ZNF516: variants seen among roughly 807,000 people sequenced by gnomAD.
ZNF516 encodes zinc finger protein 516.
In ZNF516, 19 loss-of-function variants were observed where a neutral mutation model predicts 79.7. The observed-to-expected ratio is 0.24, with a 90% CI of 0.17 to 0.35. The LOEUF is 0.35. Among genes scored for constraint, ZNF516 ranks in the 10% least tolerant of loss-of-function variants. ZNF516 has a pLI of 1.00. For synonymous variants in ZNF516, 877 were observed against 739.5 expected (o/e 1.19, Z -3.02); for missense variants, 1,678 against 1,679.5 (o/e 1.00, Z 0.02).
At chr18:76,470,221 T>C (rs1448771816) in intron 1 of ZNF516, among the ~76,000 whole-genome samples, 14 of 152,220 alleles carry the variant, frequency 9.2e-5, no homozygotes, top group Admixed American at 5.2e-4. Context: ...CTGAGTTATC[T>C]GAGCCAACCA....
At chr18:76,365,907 T>C (rs1276207646) in intron 6 of ZNF516, among the ~76,000 whole-genome samples, 1 of 152,212 alleles carries the variant, frequency 6.6e-6, no homozygotes, top group East Asian at 1.9e-4. Context: ...TTATTTATCC[T>C]CCATCTCTGC....
At position 76,467,384 on chromosome 18, in the gene ZNF516, G is replaced by A. The variant is rs1261683570; in HGVS notation, c.-271-4243C>T. Among the ~76,000 whole-genome samples the A allele has an allele frequency of 6.6e-6, 1 of 151,836 alleles. No homozygotes were observed. The highest frequency in any genetic ancestry group is 1.5e-5 in the Non-Finnish European group (1 of 67,948). The stretch of plus-strand genomic sequence containing the variant: ...CTGCAGCTCACAGCCCCTCTGGGCT[G>A]GCAGGAAGTCCTGCGTGTCTCTTGT... On this transcript the variant is annotated intron_variant, in intron 1 of 6. Transcript: ENST00000443185. This position sits in a 1 kb window ranked among gnomAD's most constrained non-coding sequence, Gnocchi z 4.2.
chr18:76,458,576 G>A (rs951201780), intron 2 of ZNF516, among the ~76,000 whole-genome samples: 4 of 152,228 alleles, frequency 2.6e-5, no homozygotes, highest in Admixed American at 2.0e-4. Context: ...AGTAGTGCTC[G>A]GGACCCTCAG....
chr18:76,482,405 A>G (rs1455863764), intron 1 of ZNF516, among the ~76,000 whole-genome samples: 1 of 152,246 alleles, frequency 6.6e-6, no homozygotes, highest in Admixed American at 6.5e-5. Flanking sequence ...TGAGGAAGCC[A>G]CAGGCAGTCA....
chr18:76,380,892 G>A (rs905876885), intron 3 of ZNF516, among the ~76,000 whole-genome samples: 2 of 152,210 alleles, frequency 1.3e-5, no homozygotes, highest in African/African-American at 4.8e-5. Context: ...CTCCTGTGAG[G>A]GCAATTCTCA....
chr18:76,382,218 A>T (rs2074904936), intron 3 of ZNF516, among the ~76,000 whole-genome samples: 2 of 152,222 alleles, frequency 1.3e-5, no homozygotes, highest in African/African-American at 4.8e-5. Flanking sequence ...TGTTATACGC[A>T]CACAGTGGTA....
rs561370155 is a variant in ZNF516, at chr18:76,373,547, G to A, written c.3260-1976C>T. 9.8e-5 allele frequency among the ~76,000 whole-genome samples: 15 copies of A among 152,314 alleles called. No homozygotes were observed. In the South Asian group the frequency reaches 3.1e-3, roughly 32 times the overall value. ...CAATACTGACTAATGATGACGACATGCAATGTCATCTGTGTCTAACATTCA... is the reference window on the plus strand; with the variant it reads ...CAATACTGACTAATGATGACGACATACAATGTCATCTGTGTCTAACATTCA... On this transcript the variant is annotated intron_variant, in intron 4 of 6. Transcript: ENST00000443185.
chr18:76,362,698 A>C, intron 6 of ZNF516, 141 bp from the exon 7 acceptor site: 1 of 748,466 alleles, frequency 1.3e-6, no homozygotes, highest in Non-Finnish European at 2.2e-6. Flanking sequence ...CAAGTAGGCG[A>C]AGACCCCCTG....
Position 76,441,376 on chromosome 18 carries a change from C to G in ZNF516, c.1679G>C (p.Ser560Thr), listed in dbSNP as rs1379965653. 6.2e-7 allele frequency: 1 copy of G among 1,610,866 alleles called. No homozygotes were observed. The highest frequency in any genetic ancestry group is 1.1e-5 in the South Asian group (1 of 90,994). ...RAARARCGSL[S>T]EGDSASQPSS... ...GGGCTGGGAGGCCGAGTCACCCTCA[C>G]TGAGTGATCCGCAGCGGGCCCGCGC... The change falls in exon 3 of 7, where the codon AGT becomes ACT. Residue 560 changes from serine (S) to threonine (T), a missense_variant. Ser to Thr is a moderately conservative substitution (Grantham distance 58). Transcript: ENST00000443185.
chr18:76,391,302 AG>A (rs2075070881), intron 3 of ZNF516, among the ~76,000 whole-genome samples: 1 of 151,974 alleles, frequency 6.6e-6, no homozygotes, highest in African/African-American at 2.4e-5. Context: ...TAGCCATAGC[AG>A]TAGCAATACA....
chr18:76,422,418 T>C (rs2075520691), intron 3 of ZNF516, among the ~76,000 whole-genome samples: 1 of 152,242 alleles, frequency 6.6e-6, no homozygotes, highest in South Asian at 2.1e-4. Context: ...AACACGTGAC[T>C]GCCCTAACTT....
rs373540251 is a variant in ZNF516 at position 76,360,646 on chromosome 18, A to AAAAAAAAAAAAATATATATAT, written c.*1851_*1852insATATATATATTTTTTTTTTTT. On this transcript the variant is annotated 3_prime_UTR_variant, in exon 7 of 7. Transcript: ENST00000443185. ...AAAAAAATAAGTAAAAAAAAAAAAA[A>AAAAAAAAAAAAATATATATAT]ATATATATATATATATATATATATA... The AAAAAAAAAAAAATATATATAT allele has an allele frequency of 1.4e-5, 1 of 72,494 alleles. No homozygotes were observed. Among genetic ancestry groups the AAAAAAAAAAAAATATATATAT allele is most frequent in the Non-Finnish European group, 2.7e-5 (1 of 36,934 alleles). The allele number at this position is 72,494 out of a possible 1,614,324, so 4.5% of individuals were successfully genotyped here. A position where few individuals can be genotyped will look rare whatever the true frequency, so the allele number is the denominator to read the frequency against.
At chr18:76,479,161 T>C (rs560059570) in intron 1 of ZNF516, among the ~76,000 whole-genome samples, 2 of 152,204 alleles carry the variant, frequency 1.3e-5, no homozygotes, top group South Asian at 4.1e-4. Flanking sequence ...ACCAAGTCCA[T>C]TGGTGCGATC....
intron 6 of ZNF516, 107 bp from the exon 7 acceptor site, chr18:76,362,664 A>C: frequency 1.7e-6 from 2 of 1,161,892 alleles, no homozygotes; most frequent in Non-Finnish European, 2.5e-6. Context: ...AACACAAACA[A>C]TGACCTTCAC....
At chr18:76,425,952 G>C (rs1266881854) in intron 3 of ZNF516, among the ~76,000 whole-genome samples, 3 of 152,248 alleles carry the variant, frequency 2.0e-5, no homozygotes, top group Non-Finnish European at 4.4e-5. Context: ...GCTCTTCGCG[G>C]CACAGGGAAT....
chr18:76,388,556 T>TC (rs35402194), intron 3 of ZNF516: 15,283 of 152,250 alleles, frequency 0.1, 952 homozygotes, highest in Admixed American at 0.14. Context: ...CCATGAGCCA[T>TC]CATGTACATT....
intron 3 of ZNF516, among the ~76,000 whole-genome samples, chr18:76,418,042 C>T (rs2848960): frequency 1 from 151,706 of 152,346 alleles, 75,539 homozygotes; most frequent in Middle Eastern, 1. Flanking sequence ...TTCTCACTGC[C>T]TGTGGCAGCC....
In ZNF516 at chr18:76,380,215, G is replaced by A. The variant is rs372845798; in HGVS notation, c.1899C>T (p.Asn633=). The change falls in exon 4 of 7, where the codon AAC becomes AAT. Residue 633 remains asparagine (N), a synonymous_variant. Coordinates refer to ENST00000443185, the MANE Select transcript of ZNF516 (RefSeq NM_014643.4). ...SGDQSHKMGD[N]ASERDTGESK... ...ACTCGCCGGTGTCTCTTTCCGAGGC[G>A]TTATCTCCCATCTTGTGACTCTGGT... The A allele has an allele frequency of 1.4e-4, 223 of 1,613,856 alleles. No homozygotes were observed. Among genetic ancestry groups the A allele is most frequent in the Non-Finnish European group, 1.6e-4 (185 of 1,179,894 alleles).
chr18:76,434,212 A>ACC (rs1404796655), intron 3 of ZNF516, among the ~76,000 whole-genome samples: 1 of 150,996 alleles, frequency 6.6e-6, no homozygotes, highest in African/African-American at 2.4e-5. Context: ...GATGAAATCT[A>ACC]CAAAAAGGAA....
Sources: gnomAD v4.1 joint callset for allele counts (sites outside exome capture counted in the v4.1 genomes callset) on GRCh38, gnomAD v4.1.1 for gene constraint, Gnocchi (gnomAD v3.1) non-coding constraint, MANE v1.5 for transcripts, NCBI Gene and HGNC (gene_info 2026-07-23, HGNC 2026-07-21) for gene names.